Variants in SPAG17 observed in about 807,000 individuals in gnomAD.
The protein encoded by SPAG17 is sperm-associated antigen 17.
SPAG17 carries 169 observed loss-of-function variants against 273.6 expected under a neutral mutation model. The ratio of observed to expected loss-of-function variants is 0.62; its 90% CI spans 0.55 to 0.70. The LOEUF is 0.70. Among genes scored for constraint, SPAG17 ranks in the 30% least tolerant of loss-of-function variants. The probability of loss-of-function intolerance (pLI) is 0.00; values close to 1 mark genes in which losing one functional copy is unlikely to be tolerated. For missense variants in SPAG17, 2,557 were observed against 2,627.8 expected (o/e 0.97, Z 0.59); for synonymous variants, 825 against 873.2 (o/e 0.94, Z 0.97).
chr1:118,087,048 C>T lies in SPAG17; in HGVS notation c.1360-40G>A, dbSNP rs200963713. 219 of 1,524,114 alleles carry T rather than the reference C, an allele frequency of 1.4e-4. No individual in the cohort carries two copies. The African/African-American group carries it at 2.0e-3, about 14-fold the overall frequency. 94.4% of individuals were successfully genotyped at this position (1,524,114 alleles called of 1,614,324 possible). Reference sequence around the variant, plus strand: ...AATGAGAGGAATTGGTGTAAGGGTCCGCTCTTTAGTGATACTCACTGCTCA... The same window carrying T: ...AATGAGAGGAATTGGTGTAAGGGTCTGCTCTTTAGTGATACTCACTGCTCA... On this transcript the variant is annotated intron_variant, in intron 10 of 48. Coordinates refer to ENST00000336338, the MANE Select transcript of SPAG17 (RefSeq NM_206996.4).
At chr1:118,130,312 C>G (rs1414751439) in intron 3 of SPAG17, among the ~76,000 whole-genome samples, 1 of 152,200 alleles carries the variant, frequency 6.6e-6, no homozygotes, top group South Asian at 2.1e-4. Flanking sequence ...TACCTGGGAT[C>G]TACCCCACAA....
rs748387003 is a variant in SPAG17, at chr1:117,966,560, G to A, written c.6532+49C>T. ...TGACTTCCATGTTTTCCTCACTCGTGTAATTTCTGCACTATATATGATTAC... is the reference window on the plus strand; with the variant it reads ...TGACTTCCATGTTTTCCTCACTCGTATAATTTCTGCACTATATATGATTAC... On this transcript the variant is annotated intron_variant, in intron 47 of 48. Coordinates refer to ENST00000336338, the MANE Select transcript of SPAG17 (RefSeq NM_206996.4). 3.5e-6 allele frequency: 5 copies of A among 1,425,592 alleles called. No homozygotes were observed. In the East Asian group the frequency reaches 1.0e-4, roughly 29 times the overall value. The allele number at this position is 1,425,592 out of a possible 1,614,324, so 88.3% of individuals were successfully genotyped here.
At chr1:118,138,060 C>G (rs1352904433) in intron 3 of SPAG17, among the ~76,000 whole-genome samples, 2 of 152,148 alleles carry the variant, frequency 1.3e-5, no homozygotes, top group Non-Finnish European at 2.9e-5. Context: ...CTGTCTCTCC[C>G]TCCTTCTCCT....
At chr1:118,091,571 A>T in intron 10 of SPAG17, 35 bp downstream of exon 10, 1 of 1,169,152 alleles carries the variant, frequency 8.6e-7, no homozygotes, top group Non-Finnish European at 1.3e-6. Context: ...GAAACGACTT[A>T]CTCAAGTATA....
rs375696443 is a variant in SPAG17, at chr1:117,992,131, G to A, written c.5361+335C>T. On this transcript the variant is annotated intron_variant, in intron 36 of 48. Transcript: ENST00000336338. Reference sequence around the variant, plus strand: ...GACCGCTTCCAAAGGCTTTTACTCTGTGGACAAATATATTAATATGTAGTT... The same window carrying A: ...GACCGCTTCCAAAGGCTTTTACTCTATGGACAAATATATTAATATGTAGTT... 2.6e-5 allele frequency among the ~76,000 whole-genome samples: 4 copies of A among 152,240 alleles called. No individual in the cohort carries two copies. In the South Asian group the frequency reaches 8.3e-4, roughly 32 times the overall value.
chr1:118,112,938 T>A (rs770298076), intron 4 of SPAG17, among the ~76,000 whole-genome samples: 27 of 152,246 alleles, frequency 1.8e-4, no homozygotes, highest in East Asian at 7.7e-4. Context: ...TATCTTTTTT[T>A]AAAAAGTTTT....
At chr1:118,086,093 G>T in intron 12 of SPAG17, 21 bp from the exon 13 acceptor site, 1 of 1,612,278 alleles carries the variant, frequency 6.2e-7, no homozygotes, top group South Asian at 1.1e-5. Context: ...AGAGCAACAT[G>T]ACAGAAGACA....
intron 28 of SPAG17, among the ~76,000 whole-genome samples, chr1:118,017,337 T>C (rs966923657): frequency 4.6e-5 from 7 of 152,128 alleles, no homozygotes; most frequent in African/African-American, 1.7e-4. Context: ...AGGTGAGCTA[T>C]GGAAAGGGCA....
chr1:117,973,300 A>T, intron 44 of SPAG17, 125 bp downstream of exon 44: 1 of 1,287,656 alleles, frequency 7.8e-7, no homozygotes, highest in Non-Finnish European at 1.1e-6. Flanking sequence ...GCCGGAAACT[A>T]ATAACTTCAA....
intron 20 of SPAG17, among the ~76,000 whole-genome samples, chr1:118,048,623 C>A (rs1034681978): frequency 2.0e-5 from 3 of 152,082 alleles, no homozygotes; most frequent in South Asian, 2.1e-4. Context: ...ATCAGCCGGG[C>A]GCAGTGGCTC....
At chr1:118,057,202 A>T (rs920211472) in intron 18 of SPAG17, among the ~76,000 whole-genome samples, 1 of 152,140 alleles carries the variant, frequency 6.6e-6, no homozygotes, top group Non-Finnish European at 1.5e-5. Flanking sequence ...TAAATTATTT[A>T]AAAATAATTT....
intron 1 of SPAG17, among the ~76,000 whole-genome samples, chr1:118,163,436 C>T (rs908349223): frequency 1.5e-4 from 23 of 152,030 alleles, no homozygotes; most frequent in Non-Finnish European, 2.6e-4. Flanking sequence ...TTTCCTGCCG[C>T]GGTTTCCTCT....
At chr1:118,091,127 T>C (rs1655343980) in intron 10 of SPAG17, among the ~76,000 whole-genome samples, 2 of 152,242 alleles carry the variant, frequency 1.3e-5, no homozygotes, top group South Asian at 2.1e-4. Context: ...CATATTTAAG[T>C]GAATAGTGTA....
rs1391482832 is a variant in SPAG17, at chr1:117,996,423, G to A, written c.5000C>T (p.Ala1667Val). 3.7e-6 allele frequency: 6 copies of A among 1,612,894 alleles called. No homozygotes were observed. The highest frequency in any genetic ancestry group is 1.7e-5 in the Admixed American group (1 of 59,816). ...AACAACAGTATTTGATTCTTTATATGCCAAAGATAGATATTCTTCTATGTC... is the reference window on the plus strand; with the variant it reads ...AACAACAGTATTTGATTCTTTATATACCAAAGATAGATATTCTTCTATGTC... ...DSDIEEYLSLAYKESNTVVLQ... is the reference protein window; with the variant it reads ...DSDIEEYLSLVYKESNTVVLQ... The change falls in exon 34 of 49, where the codon GCA becomes GTA. Residue 1667 changes from alanine (A) to valine (V), a missense_variant. Coordinates refer to ENST00000336338, the MANE Select transcript of SPAG17 (RefSeq NM_206996.4).
intron 1 of SPAG17, among the ~76,000 whole-genome samples, chr1:118,174,064 C>A (rs571142245): frequency 2.0e-4 from 31 of 151,992 alleles, no homozygotes; most frequent in Admixed American, 5.2e-4. Context: ...ATGAGGCATA[C>A]AGATAAATTG....
intron 3 of SPAG17, among the ~76,000 whole-genome samples, chr1:118,123,477 A>C (rs569101886): frequency 5.1e-4 from 78 of 152,206 alleles, no homozygotes; most frequent in Non-Finnish European, 9.1e-4. Flanking sequence ...TCTATACATA[A>C]ATTTAAAGGT....
At chr1:118,124,465 G>C (rs764404297) in intron 3 of SPAG17, among the ~76,000 whole-genome samples, 1 of 152,142 alleles carries the variant, frequency 6.6e-6, no homozygotes, top group East Asian at 1.9e-4. Context: ...TGCATATATA[G>C]ACAAACAGTA....
intron 1 of SPAG17, among the ~76,000 whole-genome samples, chr1:118,157,281 G>C (rs1311342577): frequency 6.6e-6 from 1 of 152,168 alleles, no homozygotes; most frequent in Non-Finnish European, 1.5e-5. Context: ...GGAGGGCAAA[G>C]CAGATTTATT....
chr1:118,057,666 C>T (rs1175908329), intron 18 of SPAG17, among the ~76,000 whole-genome samples: 1 of 151,766 alleles, frequency 6.6e-6, no homozygotes, highest in Non-Finnish European at 1.5e-5. Flanking sequence ...AATAAGACAA[C>T]ATTGGATATA....
Sources: allele counts gnomAD v4.1 joint callset (sites outside exome capture counted in the v4.1 genomes callset), GRCh38; gene constraint gnomAD v4.1.1; transcripts MANE v1.5; gene names NCBI Gene and HGNC (gene_info 2026-07-23, HGNC 2026-07-21).